The following LRRC56 variants were observed in gnomAD, a reference collection of about 807,000 sequenced individuals.
LRRC56 encodes the protein leucine rich repeat containing 56.
Under a neutral mutation model 47.8 loss-of-function variants are expected in LRRC56, and 41 were observed. The ratio of observed to expected loss-of-function variants is 0.86; its 90% CI spans 0.67 to 1.11. LRRC56 has a LOEUF of 1.11. Among genes scored for constraint, LRRC56 ranks in the 50% most tolerant of loss-of-function variants. The pLI, the probability that LRRC56 is intolerant of heterozygous loss-of-function variation, is 0.00. For missense variants in LRRC56, 759 were observed against 704.2 expected, an observed-to-expected ratio of 1.08 and a Z score of -0.88; for synonymous variants, 387 against 311.2, an observed-to-expected ratio of 1.24 and a Z score of -2.56.
chr11:521,735 A>G, the LRRC56 span, among the ~76,000 whole-genome samples: 37 of 152,162 alleles, frequency 2.4e-4, no homozygotes, highest in Admixed American at 2.4e-3. Context: ...TAACACGATG[A>G]AACCCCGTCT....
chr11:524,287 C>T, the LRRC56 span, among the ~76,000 whole-genome samples: 1 of 152,110 alleles, frequency 6.6e-6, no homozygotes, highest in African/African-American at 2.4e-5. Context: ...CGGACGCACA[C>T]AAATATGGCT....
upstream of LRRC56, chr11:533,522 A>G: frequency 6.2e-7 from 1 of 1,613,750 alleles, no homozygotes; most frequent in Non-Finnish European, 8.5e-7. Context: ...GAGCCTGCCG[A>G]GATTCCACAG....
chr11:541,770 CTG>C lies in LRRC56; in HGVS notation c.265+150_265+151del, dbSNP rs1313838590. 2.0e-5 allele frequency: 11 copies of C among 544,784 alleles called. No homozygotes were observed. The highest frequency in any genetic ancestry group is 3.2e-5 in the Non-Finnish European group (10 of 310,116). 33.7% of individuals were successfully genotyped at this position (544,784 alleles called of 1,614,324 possible). On this transcript the variant is annotated intron_variant, in intron 5 of 13. Transcript: ENST00000270115. The surrounding 1 kb of genome is among the most constrained non-coding windows in gnomAD (Gnocchi z 4.1). Reference sequence around the variant, plus strand: ...TTAGGGTTGGCCTCTGACCTGAGGTCTGTGTCAGGTACAGGCAGAGGGCAATG... The same window carrying C: ...TTAGGGTTGGCCTCTGACCTGAGGTCTGTCAGGTACAGGCAGAGGGCAATG...
chr11:514,695 C>T, the LRRC56 span, among the ~76,000 whole-genome samples: 1 of 152,126 alleles, frequency 6.6e-6, no homozygotes, highest in Non-Finnish European at 1.5e-5. Context: ...GAGGCATATG[C>T]ATTGTTTTGT....
the LRRC56 span, among the ~76,000 whole-genome samples, chr11:516,942 C>G: frequency 6.6e-6 from 1 of 152,196 alleles, no homozygotes; most frequent in Non-Finnish European, 1.5e-5. Context: ...CTCCCTGCCC[C>G]GGGCTCCCAT....
chr11:533,538 G>A (rs779711606), upstream of LRRC56: 13 of 1,613,760 alleles, frequency 8.1e-6, no homozygotes, highest in East Asian at 2.7e-4. Flanking sequence ...CACAGTGCGT[G>A]CAGCCAGGTC....
rs573396245 is a variant in LRRC56 at position 554,843 on chromosome 11, CCAGCT to C, written c.*569_*573del. On this transcript the variant is annotated 3_prime_UTR_variant, in exon 14 of 14. Coordinates refer to ENST00000270115, the MANE Select transcript of LRRC56 (RefSeq NM_198075.4). ...CGCCCCGGAACCCAAACCAACATTT[CCAGCT>C]CTCAGGTGTACAGAAATGCGGTTTA... 1.3e-3 allele frequency: 809 copies of C among 639,102 alleles called. 7 individuals are homozygous for C. The African/African-American group carries it at 0.015, about 12-fold the overall frequency. 39.6% of individuals were successfully genotyped at this position (639,102 alleles called of 1,614,324 possible).
chr11:508,057 G>T, the LRRC56 span, among the ~76,000 whole-genome samples: 1 of 152,234 alleles, frequency 6.6e-6, no homozygotes, highest in African/African-American at 2.4e-5. Context: ...TGACTAGTCC[G>T]CAATTCACAG....
At chr11:509,013 C>T in the LRRC56 span, among the ~76,000 whole-genome samples, 1 of 152,108 alleles carries the variant, frequency 6.6e-6, no homozygotes, top group Non-Finnish European at 1.5e-5. Context: ...CCACTGTACT[C>T]CAGCCTGGGC....
At chr11:527,060 G>A in the LRRC56 span, among the ~76,000 whole-genome samples, 1 of 152,196 alleles carries the variant, frequency 6.6e-6, no homozygotes, top group East Asian at 1.9e-4. Context: ...CCAGCACTTT[G>A]GGAGGCCGAG....
At chr11:529,431 T>A in the LRRC56 span, 1 of 152,364 alleles carries the variant, frequency 6.6e-6, no homozygotes, top group East Asian at 1.9e-4. Context: ...AGACTTCAGA[T>A]GCGCTCACTG....
At chr11:532,428 A>C in the LRRC56 span, 5 of 702,318 alleles carry the variant, frequency 7.1e-6, no homozygotes, top group South Asian at 1.8e-5. Context: ...GGGCTCCAGC[A>C]GCCCTTCCTT....
the LRRC56 span, among the ~76,000 whole-genome samples, chr11:518,218 T>C: frequency 2.6e-5 from 4 of 152,092 alleles, no homozygotes; most frequent in African/African-American, 9.7e-5. Context: ...AGTCTCGCTC[T>C]GTCGCCTAGG....
the LRRC56 span, chr11:532,283 G>C: frequency 5.0e-5 from 23 of 463,584 alleles, no homozygotes; most frequent in Middle Eastern, 6.0e-4. Flanking sequence ...ATCTGTGCCC[G>C]ACAAGGGCCC....
chr11:551,772 A>C lies in LRRC56; in HGVS notation c.918A>C (p.Glu306Asp). Residue 306 changes from glutamate to aspartate, a missense_variant, in exon 10 of 14, where the codon GAA (glutamate) becomes GAC (aspartate). By Grantham distance (45) the Glu-to-Asp change is conservative. Coordinates refer to ENST00000270115, the MANE Select transcript of LRRC56 (RefSeq NM_198075.4). ...SLLVRGGPLP[E>D]GLLSEDLAPE... ...TGGTCCGTGGGGGCCCCCTGCCTGAAGGCCTGCTTTCTGAGGACCTGGCCC... is the reference window on the plus strand; with the variant it reads ...TGGTCCGTGGGGGCCCCCTGCCTGACGGCCTGCTTTCTGAGGACCTGGCCC... 1 of 1,610,526 alleles carries C rather than the reference A, an allele frequency of 6.2e-7. No homozygotes were observed. The highest frequency in any genetic ancestry group is 2.2e-5 in the East Asian group (1 of 44,846).
chr11:509,295 T>C, the LRRC56 span, among the ~76,000 whole-genome samples: 14 of 152,238 alleles, frequency 9.2e-5, no homozygotes, highest in African/African-American at 3.4e-4. Flanking sequence ...TCTCTTGACA[T>C]CTTTGCAAAA....
the LRRC56 span, among the ~76,000 whole-genome samples, chr11:509,157 C>T: frequency 6.6e-6 from 1 of 152,218 alleles, no homozygotes; most frequent in East Asian, 1.9e-4. Flanking sequence ...TGACCCTCAT[C>T]CTGCACACGT....
At chr11:525,383 CA>C in the LRRC56 span, among the ~76,000 whole-genome samples, 1 of 151,524 alleles carries the variant, frequency 6.6e-6, no homozygotes, top group Non-Finnish European at 1.5e-5. Flanking sequence ...ACTAAAAACA[CA>C]AAAAATTAGC....
At chr11:512,521 C>T in the LRRC56 span, among the ~76,000 whole-genome samples, 7 of 152,264 alleles carry the variant, frequency 4.6e-5, no homozygotes, top group South Asian at 2.1e-4. Flanking sequence ...ACTGAGCCAC[C>T]GCGCCTGGCA....
Sources: allele counts gnomAD v4.1 joint callset (sites outside exome capture counted in the v4.1 genomes callset), GRCh38; gene constraint gnomAD v4.1.1; non-coding constraint Gnocchi (gnomAD v3.1); transcripts MANE v1.5; gene names NCBI Gene and HGNC (gene_info 2026-07-23, HGNC 2026-07-21).